Variants in AGPAT3 observed in about 807,000 individuals in gnomAD.
AGPAT3 encodes 1-acylglycerol-3-phosphate O-acyltransferase 3, also known as 1-acyl-sn-glycerol-3-phosphate acyltransferase gamma.
A neutral mutation model predicts 47.3 loss-of-function variants in AGPAT3; 5 were observed. The observed-to-expected ratio is 0.11, with a 90% CI of 0.06 to 0.22. AGPAT3 has a LOEUF of 0.22. Among genes scored for constraint, AGPAT3 ranks in the 10% least tolerant of loss-of-function variants. The pLI, the probability that AGPAT3 is intolerant of heterozygous loss-of-function variation, is 1.00. For synonymous variants in AGPAT3, 212 were observed against 208.3 expected, an observed-to-expected ratio of 1.02 and a Z score of -0.15; for missense variants, 315 against 493.0, an observed-to-expected ratio of 0.64 and a Z score of 3.42.
intron 1 of AGPAT3, among the ~76,000 whole-genome samples, chr21:43,872,896 G>A (rs2085651919): frequency 6.6e-6 from 1 of 152,238 alleles, no homozygotes; most frequent in South Asian, 2.1e-4. Context: ...TACAAACAAA[G>A]TGACCCAAAA....
intron 7 of AGPAT3, 59 bp from the exon 8 acceptor site, chr21:43,977,987 C>T (rs1447739541): frequency 1.2e-5 from 18 of 1,456,266 alleles, no homozygotes; most frequent in Non-Finnish European, 1.6e-5. Flanking sequence ...CCTGTGCCCT[C>T]TTTCTAGTGT....
At chr21:43,925,581 C>T (rs1486884950) in intron 2 of AGPAT3, 1 of 152,458 alleles carries the variant, frequency 6.6e-6, no homozygotes, top group Non-Finnish European at 1.5e-5. Flanking sequence ...TCTCAGACCC[C>T]ATGCTGTCTC....
chr21:43,880,126 G>A lies in AGPAT3; in HGVS notation c.-112+14781G>A, dbSNP rs1046341899. ...AACTCAGGGTGTGGACTTGAGCTTC[G>A]ACATCAGTTGGCACTGGCCTTTTGC... On this transcript the variant is annotated intron_variant, in intron 1 of 9. Coordinates refer to ENST00000291572, the MANE Select transcript of AGPAT3 (RefSeq NM_020132.5). This position sits in a 1 kb window ranked among gnomAD's most constrained non-coding sequence, Gnocchi z 4.5. Among the ~76,000 whole-genome samples, 1 of 152,210 alleles carries A rather than the reference G, an allele frequency of 6.6e-6. No homozygotes were observed. Among genetic ancestry groups the A allele is most frequent in the Non-Finnish European group, 1.5e-5 (1 of 68,036 alleles).
At chr21:43,874,684 T>C (rs1273731848) in intron 1 of AGPAT3, among the ~76,000 whole-genome samples, 15 of 152,210 alleles carry the variant, frequency 9.9e-5, no homozygotes. Context: ...GTCTGGCTGC[T>C]TTTATAGTCT....
chr21:43,903,013 A>T (rs58215272), intron 1 of AGPAT3, among the ~76,000 whole-genome samples: 16,144 of 152,084 alleles, frequency 0.11, 1,651 homozygotes, highest in African/African-American at 0.27. Context: ...AAAAAATATG[A>T]ATTTGTAGCT....
rs954958708 is a variant in AGPAT3, at chr21:43,899,614, C to T, written c.-111-4343C>T. ...GGAGCCCTGCTGCTTGGGCTGGCCGCGGTGAGCAGCGGCAGCGCTGTGGTT... is the reference window on the plus strand; with the variant it reads ...GGAGCCCTGCTGCTTGGGCTGGCCGTGGTGAGCAGCGGCAGCGCTGTGGTT... On this transcript the variant is annotated intron_variant, in intron 1 of 9. Transcript: ENST00000291572. 9.2e-5 allele frequency among the ~76,000 whole-genome samples: 14 copies of T among 152,300 alleles called. No individual in the cohort carries two copies. In the South Asian group the frequency reaches 1.7e-3, roughly 18 times the overall value.
intron 2 of AGPAT3, among the ~76,000 whole-genome samples, chr21:43,941,214 C>T (rs4819352): frequency 0.73 from 111,136 of 152,090 alleles, 41,434 homozygotes; most frequent in South Asian, 0.84. Flanking sequence ...CCACGCTAGA[C>T]TGTGTTTGTT....
At chr21:43,957,408 G>A (rs984081127) in intron 2 of AGPAT3, among the ~76,000 whole-genome samples, 2 of 152,224 alleles carry the variant, frequency 1.3e-5, no homozygotes, top group Non-Finnish European at 2.9e-5. Context: ...AGTGCACTCA[G>A]TGCCCTTCCA....
chr21:43,943,414 TC>T (rs772225009), intron 2 of AGPAT3, among the ~76,000 whole-genome samples: 2 of 152,026 alleles, frequency 1.3e-5, no homozygotes, highest in Non-Finnish European at 2.9e-5. Context: ...ACCTCCTTCC[TC>T]CCTCCTGCCG....
At chr21:43,915,572 T>A (rs533050684) in intron 2 of AGPAT3, among the ~76,000 whole-genome samples, 28 of 150,980 alleles carry the variant, frequency 1.9e-4, no homozygotes, top group African/African-American at 6.6e-4. Context: ...CCACCATGCC[T>A]GGCTAATTTT....
chr21:43,886,226 T>C (rs551288901), intron 1 of AGPAT3, among the ~76,000 whole-genome samples: 1 of 152,190 alleles, frequency 6.6e-6, no homozygotes, highest in African/African-American at 2.4e-5. Context: ...CTATCAAATA[T>C]TAGGTCTTTA....
At chr21:43,959,273 G>T (rs1369264907) in intron 2 of AGPAT3, among the ~76,000 whole-genome samples, 1 of 137,884 alleles carries the variant, frequency 7.3e-6, no homozygotes, top group Non-Finnish European at 1.6e-5. Context: ...TGTGGCATGT[G>T]TGTGGCATGT....
At chr21:43,904,055 C>CGT (rs2086423543) in intron 2 of AGPAT3, 36 bp downstream of exon 2, 1 of 126,802 alleles carries the variant, frequency 7.9e-6, no homozygotes, top group African/African-American at 3.1e-5. Context: ...CGCAGGGCGC[C>CGT]GTGTGTGAGA....
chr21:43,942,958 G>C (rs1601375025), intron 2 of AGPAT3, among the ~76,000 whole-genome samples: 1 of 152,364 alleles, frequency 6.6e-6, no homozygotes, highest in South Asian at 2.1e-4. Context: ...GATGGAGGAA[G>C]ACAGGCCTCG....
intron 2 of AGPAT3, among the ~76,000 whole-genome samples, chr21:43,931,651 G>A (rs192359410): frequency 6.6e-5 from 10 of 152,088 alleles, no homozygotes; most frequent in African/African-American, 2.2e-4. Flanking sequence ...GAACTGCCGC[G>A]TGCTTCAGCT....
In AGPAT3 at chr21:43,946,530, G is replaced by A. The variant is rs139985538; in HGVS notation, c.-48-13104G>A. On this transcript the variant is annotated intron_variant, in intron 2 of 9. Transcript: ENST00000291572. Reference sequence around the variant, plus strand: ...CAGGAGAATCACTTGAATCCAGGAGGCAGAGTTTGCAGTGAGCTGAGGTCA... The same window carrying A: ...CAGGAGAATCACTTGAATCCAGGAGACAGAGTTTGCAGTGAGCTGAGGTCA... Among the ~76,000 whole-genome samples, 671 of 151,844 alleles carry A rather than the reference G, an allele frequency of 4.4e-3. 6 individuals are homozygous for A. The highest frequency in any genetic ancestry group is 0.016 in the African/African-American group (650 of 41,342).
At chr21:43,949,621 G>A (rs2088085922) in intron 2 of AGPAT3, among the ~76,000 whole-genome samples, 1 of 152,260 alleles carries the variant, frequency 6.6e-6, no homozygotes, top group African/African-American at 2.4e-5. Context: ...GGCAGGAGGA[G>A]CTGCACGTTA....
At chr21:43,963,777 G>T (rs568957536) in intron 3 of AGPAT3, among the ~76,000 whole-genome samples, 1 of 151,150 alleles carries the variant, frequency 6.6e-6, no homozygotes, top group East Asian at 1.9e-4. Context: ...GGAGAACCAC[G>T]CTGGATGGTC....
chr21:43,922,640 A>C lies in AGPAT3; in HGVS notation c.-49+18621A>C, dbSNP rs2086925198. On this transcript the variant is annotated intron_variant, in intron 2 of 9. Transcript: ENST00000291572. The surrounding 1 kb of genome is among the most constrained non-coding windows in gnomAD (Gnocchi z 4.9). ...GACCAAAGGCTGAAGTCTGGGCTGG[A>C]GCTACCTGCTCTGTGGGAAACAACA... 6.6e-6 allele frequency among the ~76,000 whole-genome samples: 1 copy of C among 152,154 alleles called. No individual in the cohort carries two copies. The highest frequency in any genetic ancestry group is 1.5e-5 in the Non-Finnish European group (1 of 68,024).
Sources: gnomAD v4.1 joint callset for allele counts (sites outside exome capture counted in the v4.1 genomes callset) on GRCh38, gnomAD v4.1.1 for gene constraint, Gnocchi (gnomAD v3.1) non-coding constraint, MANE v1.5 for transcripts, NCBI Gene and HGNC (gene_info 2026-07-23, HGNC 2026-07-21) for gene names.